Variants in FGF12 observed in about 807,000 individuals in gnomAD.
FGF12 encodes the protein fibroblast growth factor 12B.
Under a neutral mutation model 23.6 loss-of-function variants are expected in FGF12, and 14 were observed. The observed-to-expected ratio is 0.59, with a 90% CI of 0.39 to 0.93. The LOEUF (loss-of-function observed/expected upper bound fraction) is 0.93, where lower values mean the gene tolerates loss of function less well. FGF12 is among the 40% of genes least tolerant of loss of function. FGF12 has a pLI of 0.00. For synonymous variants in FGF12, 62 were observed against 77.3 expected, an observed-to-expected ratio of 0.80 and a Z score of 1.04; for missense variants, 175 against 217.8, an observed-to-expected ratio of 0.80 and a Z score of 1.24.
chr3:192,711,690 G>C (rs1409554735), intron 2 of FGF12, among the ~76,000 whole-genome samples: 1 of 152,048 alleles, frequency 6.6e-6, no homozygotes, highest in Non-Finnish European at 1.5e-5. Flanking sequence ...GTCCACTCAG[G>C]GTTAAATGGA....
At chr3:192,474,678 G>A (rs937480805) in intron 2 of FGF12, among the ~76,000 whole-genome samples, 1 of 152,108 alleles carries the variant, frequency 6.6e-6, no homozygotes, top group African/African-American at 2.4e-5. Flanking sequence ...CTGAGGTCAG[G>A]AGTTCGAGAC....
rs767118656 is a variant in FGF12, at chr3:192,360,485, G to A, written c.67C>T (p.Leu23=). 1.9e-6 allele frequency: 3 copies of A among 1,613,986 alleles called. No homozygotes were observed. The highest frequency in any genetic ancestry group is 1.1e-5 in the South Asian group (1 of 91,078). The change falls in exon 3 of 6, where the codon CTG becomes TTG. Residue 23 remains leucine, a synonymous_variant. Transcript: ENST00000445105. This position sits in a 1 kb window ranked among gnomAD's most constrained non-coding sequence, Gnocchi z 4.3. ...ATGGTACCATCTGGGTGCATCTGCA[G>A]GAAGTATCCCTGCTGGCTGAATAAC... ...TRLFSQQGYF[L]QMHPDGTIDG... is the part of the protein sequence containing the mutation.
chr3:192,709,692 T>C (rs1258379301), intron 2 of FGF12, among the ~76,000 whole-genome samples: 1 of 152,202 alleles, frequency 6.6e-6, no homozygotes, highest in Non-Finnish European at 1.5e-5. Context: ...CAGTTATAAA[T>C]TGGCCAGGGG....
At chr3:192,716,301 C>T (rs1381793626) in intron 2 of FGF12, among the ~76,000 whole-genome samples, 1 of 152,156 alleles carries the variant, frequency 6.6e-6, no homozygotes, top group African/African-American at 2.4e-5. Context: ...GCAATGTTTC[C>T]TGGACCCAGC....
chr3:192,533,252 A>G (rs930495286), intron 2 of FGF12, among the ~76,000 whole-genome samples: 4 of 152,200 alleles, frequency 2.6e-5, no homozygotes, highest in African/African-American at 9.6e-5. Context: ...CATAGTTTCT[A>G]TAATATCACT....
In FGF12 at chr3:192,408,352, G is replaced by A. The variant is rs371217317; in HGVS notation, c.14-47814C>T. On this transcript the variant is annotated intron_variant, in intron 2 of 5. Transcript: ENST00000445105. The surrounding 1 kb of genome is among the most constrained non-coding windows in gnomAD (Gnocchi z 7.3). ...CGGGGAGGCAGTGCTAAAATTTGAG[G>A]AGGCTGCAGTATCGAAAACCCGGCG... is the stretch of plus-strand genomic sequence containing the variant. 7.6e-4 allele frequency: 1,087 copies of A among 1,428,312 alleles called. 2 individuals carry two copies. In the African/African-American group the frequency reaches 0.014, roughly 19 times the overall value. The allele number at this position is 1,428,312 out of a possible 1,614,324, so 88.5% of individuals were successfully genotyped here.
chr3:192,470,482 A>G (rs1480088323), intron 2 of FGF12, among the ~76,000 whole-genome samples: 1 of 152,158 alleles, frequency 6.6e-6, no homozygotes, highest in East Asian at 1.9e-4. Context: ...TCTGCCTCCC[A>G]GGTTCAAGTG....
chr3:192,602,032 A>G (rs1161435635), intron 2 of FGF12, among the ~76,000 whole-genome samples: 2 of 152,124 alleles, frequency 1.3e-5, no homozygotes, highest in Non-Finnish European at 2.9e-5. Flanking sequence ...GATACATGTC[A>G]TTAAACATTT....
chr3:192,596,202 CTACTT>C (rs1466789057), intron 2 of FGF12, among the ~76,000 whole-genome samples: 1 of 148,954 alleles, frequency 6.7e-6, no homozygotes, highest in East Asian at 1.9e-4. Context: ...GATGCCTACT[CTACTT>C]GAGAATTAAC....
intron 2 of FGF12, among the ~76,000 whole-genome samples, chr3:192,657,463 C>T (rs1386235484): frequency 2.0e-5 from 3 of 150,106 alleles, no homozygotes; most frequent in African/African-American, 7.3e-5. Flanking sequence ...AAAACAAGCT[C>T]CTAAAAGAAC....
chr3:192,370,359 A>G (rs1719174060), intron 2 of FGF12, among the ~76,000 whole-genome samples: 1 of 152,132 alleles, frequency 6.6e-6, no homozygotes, highest in African/African-American at 2.4e-5. Context: ...GGAATTTTAA[A>G]ATGAGATCAA....
In FGF12 at chr3:192,170,652, A is replaced by G; in HGVS notation, c.233T>C (p.Val78Ala). 1 of 1,585,878 alleles carries G rather than the reference A, an allele frequency of 6.3e-7. No individual in the cohort carries two copies. The highest frequency in any genetic ancestry group is 1.2e-5 in the South Asian group (1 of 86,882). Reference protein sequence around the residue: ...NGEGYLYSSDVFTPECKFKES... With the variant: ...NGEGYLYSSDAFTPECKFKES... ...CTTGAATTTGCATTCTGGAGTGAAA[A>G]CATCCTGTAGGAAAAAAAAAAAAAG... Residue 78 changes from valine to alanine, a missense_variant, in exon 5 of 6, where the codon GTT becomes GCT. Coordinates refer to ENST00000445105, the MANE Select transcript of FGF12 (RefSeq NM_004113.6).
At chr3:192,158,670 C>CCCCTTCCTTCTTTCCTTCCTTCCTTCCT in intron 5 of FGF12, among the ~76,000 whole-genome samples, 1 of 74,650 alleles carries the variant, frequency 1.3e-5, no homozygotes, top group African/African-American at 4.2e-5. Flanking sequence ...CCTTCCCTCC[C>CCCCTTCCTTCTTTCCTTCCTTCCTTCCT]TCCCTCTCTC....
chr3:192,280,012 T>C (rs2108638224), intron 4 of FGF12, among the ~76,000 whole-genome samples: 1 of 152,306 alleles, frequency 6.6e-6, no homozygotes, highest in African/African-American at 2.4e-5. Flanking sequence ...TTTGAAAAAA[T>C]GCTATCTGAA....
chr3:192,692,011 A>C (rs1560196047), intron 2 of FGF12, among the ~76,000 whole-genome samples: 1 of 152,180 alleles, frequency 6.6e-6, no homozygotes, highest in Non-Finnish European at 1.5e-5. Context: ...AAAGAGATTA[A>C]TGTAGTAATT....
At chr3:192,540,439 G>A (rs537622824) in intron 2 of FGF12, among the ~76,000 whole-genome samples, 1 of 152,076 alleles carries the variant, frequency 6.6e-6, no homozygotes, top group East Asian at 1.9e-4. Context: ...CCTCATGGTT[G>A]TATAGTTTTC....
intron 3 of FGF12, among the ~76,000 whole-genome samples, chr3:192,347,811 A>G (rs1217546534): frequency 6.6e-6 from 1 of 152,132 alleles, no homozygotes; most frequent in Non-Finnish European, 1.5e-5. Flanking sequence ...CTCTTCAGTC[A>G]GCATTGATTT....
intron 2 of FGF12, among the ~76,000 whole-genome samples, chr3:192,575,751 A>C (rs1309551888): frequency 1.3e-5 from 2 of 151,990 alleles, no homozygotes; most frequent in African/African-American, 4.8e-5. Flanking sequence ...TCTCTTCTCT[A>C]AATGACTCTG....
At chr3:192,713,063 A>T (rs1325720440) in intron 2 of FGF12, among the ~76,000 whole-genome samples, 1 of 152,202 alleles carries the variant, frequency 6.6e-6, no homozygotes, top group Non-Finnish European at 1.5e-5. Flanking sequence ...AAAACAAGAC[A>T]GTTATCAACC....
Sources: allele counts gnomAD v4.1 joint callset (sites outside exome capture counted in the v4.1 genomes callset), GRCh38; gene constraint gnomAD v4.1.1; non-coding constraint Gnocchi (gnomAD v3.1); transcripts MANE v1.5; gene names NCBI Gene and HGNC (gene_info 2026-07-23, HGNC 2026-07-21).